SMTNL2: variants seen among roughly 807,000 people sequenced by gnomAD.
SMTNL2 encodes the protein smoothelin-like protein 2.
Under a neutral mutation model 44.1 loss-of-function variants are expected in SMTNL2, and 43 were observed. The observed-to-expected ratio is 0.98, with a 90% CI of 0.76 to 1.26. SMTNL2 has a LOEUF of 1.26. SMTNL2 is among the 50% of genes most tolerant of loss of function. The probability of loss-of-function intolerance (pLI) is 0.00; values close to 1 mark genes in which losing one functional copy is unlikely to be tolerated. For synonymous variants in SMTNL2, 317 were observed against 287.6 expected, an observed-to-expected ratio of 1.10 and a Z score of -1.03; for missense variants, 646 against 670.2, an observed-to-expected ratio of 0.96 and a Z score of 0.40.
Position 4,607,580 on chromosome 17 carries a change from C to CCGTT in SMTNL2, c.*94_*97dup. The CCGTT allele has an allele frequency of 1.3e-5, 20 of 1,545,932 alleles. No homozygotes were observed. The highest frequency in any genetic ancestry group is 1.6e-5 in the Non-Finnish European group (18 of 1,143,812). ...AGCCAGGATGCCCCCAGGAGCCTTG[C>CCGTT]CGTTTGGTGTGAGCGCGCTGTTTGT... On this transcript the variant is annotated 3_prime_UTR_variant, in exon 8 of 8. Coordinates refer to ENST00000389313, the MANE Select transcript of SMTNL2 (RefSeq NM_001114974.2). This position sits in a 1 kb window ranked among gnomAD's most constrained non-coding sequence, Gnocchi z 4.7.
rs774649001 is a variant in SMTNL2, at chr17:4,592,458, A to G, written c.487+10A>G. 30 of 1,610,128 alleles carry G rather than the reference A, an allele frequency of 1.9e-5. No individual in the cohort carries two copies. In the South Asian group the frequency reaches 3.2e-4, roughly 17 times the overall value. On this transcript the variant is annotated intron_variant, in intron 2 of 7. Coordinates refer to ENST00000389313, the MANE Select transcript of SMTNL2 (RefSeq NM_001114974.2). This position sits in a 1 kb window ranked among gnomAD's most constrained non-coding sequence, Gnocchi z 4.5. The stretch of plus-strand genomic sequence containing the variant: ...CACCAGCCGGGGGCAGGTAGGGCTG[A>G]CGGCAGAGGAGGGGTGGCTGGGTAG...
rs373703214 is a variant in SMTNL2 at position 4,589,353 on chromosome 17, G to A, written c.400-3008G>A. ...CCTGTCAGACGAGAGCAGGGTGGGT[G>A]AGGGGGCACGGAGACCCCAGAGCCT... On this transcript the variant is annotated intron_variant, in intron 1 of 7. Transcript: ENST00000389313. Among the ~76,000 whole-genome samples, 11 of 152,206 alleles carry A rather than the reference G, an allele frequency of 7.2e-5. No individual in the cohort carries two copies. In the East Asian group the frequency reaches 1.7e-3, roughly 24 times the overall value.
At chr17:4,597,921 G>A (rs1304193326) in intron 7 of SMTNL2, among the ~76,000 whole-genome samples, 4 of 152,180 alleles carry the variant, frequency 2.6e-5, no homozygotes, top group Admixed American at 6.5e-5. Context: ...GTTTTTGGCC[G>A]AGGGCCTCAG....
intron 1 of SMTNL2, among the ~76,000 whole-genome samples, chr17:4,591,253 G>A (rs562300713): frequency 3.4e-4 from 52 of 152,348 alleles, no homozygotes; most frequent in African/African-American, 1.2e-3. Flanking sequence ...TGGGGCCAGG[G>A]ATGCAACATC....
intron 1 of SMTNL2, among the ~76,000 whole-genome samples, chr17:4,587,925 T>C (rs1909408893): frequency 1.3e-5 from 2 of 152,152 alleles, no homozygotes; most frequent in Admixed American, 1.3e-4. Context: ...AGCTGTGGCC[T>C]GGAAATGTCA....
At chr17:4,587,798 G>A (rs965992699) in intron 1 of SMTNL2, among the ~76,000 whole-genome samples, 2 of 152,268 alleles carry the variant, frequency 1.3e-5, no homozygotes, top group African/African-American at 4.8e-5. Context: ...CTCAATACAG[G>A]AAGGGTTGAT....
rs1421496443 is a variant in SMTNL2 at position 4,592,735 on chromosome 17, G to A, written c.488-194G>A. On this transcript the variant is annotated intron_variant, in intron 2 of 7. Transcript: ENST00000389313. The surrounding 1 kb of genome is among the most constrained non-coding windows in gnomAD (Gnocchi z 4.5). ...TTTATTAAGCTGGCCATGAGGGGAA[G>A]TTGGGAAAAATCAATTCTGGTTGGA... 6.6e-6 allele frequency among the ~76,000 whole-genome samples: 1 copy of A among 151,696 alleles called. No individual in the cohort carries two copies. The highest frequency in any genetic ancestry group is 2.4e-5 in the African/African-American group (1 of 41,280).
chr17:4,596,781 C>T (rs999590329), intron 5 of SMTNL2, 79 bp from the exon 6 acceptor site: 58 of 1,271,528 alleles, frequency 4.6e-5, no homozygotes, highest in Admixed American at 9.6e-5. Context: ...GGTGCCAGGA[C>T]AGCCTCCCCT....
chr17:4,590,213 C>T (rs547321144), intron 1 of SMTNL2, among the ~76,000 whole-genome samples: 1 of 152,058 alleles, frequency 6.6e-6, no homozygotes, highest in Admixed American at 6.5e-5. Flanking sequence ...GTGATCCACC[C>T]GCCTCGGCCT....
At chr17:4,584,481 C>T (rs1244566932), upstream of SMTNL2, 2 of 1,102,704 alleles carry the variant, frequency 1.8e-6, no homozygotes, top group Non-Finnish European at 2.3e-6. Flanking sequence ...CCCCGCCCCG[C>T]GCCCGCCTCC....
chr17:4,594,586 C>T (rs1054343816), intron 4 of SMTNL2, among the ~76,000 whole-genome samples: 9 of 152,134 alleles, frequency 5.9e-5, no homozygotes, highest in East Asian at 1.9e-4. Flanking sequence ...CCTCAGAGCC[C>T]GGAACTTCCT....
chr17:4,599,698 G>A (rs1474732331), intron 7 of SMTNL2, among the ~76,000 whole-genome samples: 1 of 152,230 alleles, frequency 6.6e-6, no homozygotes, highest in Non-Finnish European at 1.5e-5. Flanking sequence ...CAGCCTGCAG[G>A]GAACACAGCT....
At chr17:4,590,730 A>G (rs962993249) in intron 1 of SMTNL2, among the ~76,000 whole-genome samples, 1 of 151,964 alleles carries the variant, frequency 6.6e-6, no homozygotes, top group East Asian at 1.9e-4. Context: ...TGGCCCTCCC[A>G]GTGCCCCATC....
At position 4,584,798 on chromosome 17, in the gene SMTNL2, CG is replaced by C; in HGVS notation, c.196del (p.Asp66ThrfsTer12). ...GGCGCGCACGGTGGCCGACCTGCAGCGGGACAACCAGCGGCTGCAGGCGCAG... is the reference window on the plus strand; with the variant it reads ...GGCGCGCACGGTGGCCGACCTGCAGCGGACAACCAGCGGCTGCAGGCGCAG... ...PLARTVADLQ[R>X]DNQRLQAQLE... On this transcript the variant is annotated frameshift_variant, in exon 1 of 8. Coordinates refer to ENST00000389313, the MANE Select transcript of SMTNL2 (RefSeq NM_001114974.2). LOFTEE classifies it high-confidence loss of function. The C allele has an allele frequency of 7.6e-7, 1 of 1,323,288 alleles. No homozygotes were observed. Among genetic ancestry groups the C allele is most frequent in the Non-Finnish European group, 9.6e-7 (1 of 1,039,164 alleles). The allele number at this position is 1,323,288 out of a possible 1,614,324, so 82.0% of individuals were successfully genotyped here.
At chr17:4,605,996 C>T (rs1910259395) in intron 7 of SMTNL2, among the ~76,000 whole-genome samples, 1 of 152,188 alleles carries the variant, frequency 6.6e-6, no homozygotes, top group South Asian at 2.1e-4. Flanking sequence ...CCTCTGAGCC[C>T]CAGTGAAAGG....
At position 4,593,086 on chromosome 17, in the gene SMTNL2, T is replaced by G. The variant is rs1909650055; in HGVS notation, c.645T>G (p.Ala215=). The stretch of plus-strand genomic sequence containing the variant: ...TCTCTGGGGAGACCTCAGCTGCGGC[T>G]CTATCACCCATGTCTGCTGCCACCC... ...DRFSGETSAA[A]LSPMSAATLG... Residue 215 remains alanine (A), a synonymous_variant, in exon 3 of 8, where the codon GCT becomes GCG. Transcript: ENST00000389313. 1 of 1,613,950 alleles carries G rather than the reference T, an allele frequency of 6.2e-7. No homozygotes were observed. Among genetic ancestry groups the G allele is most frequent in the Non-Finnish European group, 8.5e-7 (1 of 1,179,974 alleles).
chr17:4,593,229 G>A (rs1909657961), intron 3 of SMTNL2, 58 bp downstream of exon 3: 14 of 1,522,090 alleles, frequency 9.2e-6, no homozygotes, highest in Admixed American at 2.0e-5. Context: ...GGAGAGGGAA[G>A]GCCGGGGCTG....
upstream of SMTNL2, among the ~76,000 whole-genome samples, chr17:4,584,345 C>T (rs921233826): frequency 6.6e-6 from 1 of 152,186 alleles, no homozygotes; most frequent in Non-Finnish European, 1.5e-5. Context: ...GCCGCTCCTC[C>T]GGGGTCGCAG....
At position 4,607,344 on chromosome 17, in the gene SMTNL2, G is replaced by T; in HGVS notation, c.1260-17G>T. 1 of 1,613,986 alleles carries T rather than the reference G, an allele frequency of 6.2e-7. No individual in the cohort carries two copies. Among genetic ancestry groups the T allele is most frequent in the Non-Finnish European group, 8.5e-7 (1 of 1,179,972 alleles). On this transcript the variant is annotated splice_polypyrimidine_tract_variant and intron_variant, in intron 7 of 7. Transcript: ENST00000389313. This position sits in a 1 kb window ranked among gnomAD's most constrained non-coding sequence, Gnocchi z 4.7. ...GATGGCTGGGACCACCGTTCTGACG[G>T]GGCTTGTGTGTTTCAGGAATCTGGC...
Sources: allele counts gnomAD v4.1 joint callset (sites outside exome capture counted in the v4.1 genomes callset), GRCh38; gene constraint gnomAD v4.1.1; non-coding constraint Gnocchi (gnomAD v3.1); transcripts MANE v1.5; gene names NCBI Gene and HGNC (gene_info 2026-07-23, HGNC 2026-07-21).